SEC31A: variants seen among roughly 807,000 people sequenced by gnomAD.
SEC31A encodes protein transport protein Sec31A.
A neutral mutation model predicts 151.0 loss-of-function variants in SEC31A; 70 were observed. The observed-to-expected ratio is 0.46, with a 90% confidence interval of 0.38 to 0.57. The LOEUF (loss-of-function observed/expected upper bound fraction) is 0.57, where lower values mean the gene tolerates loss of function less well. Ranked by LOEUF, SEC31A falls within the 20% of genes least tolerant of loss-of-function variation. The probability of loss-of-function intolerance (pLI) is 0.00; values close to 1 mark genes in which losing one functional copy is unlikely to be tolerated. For synonymous variants in SEC31A, 475 were observed against 505.9 expected (o/e 0.94, Z 0.82); for missense variants, 1,330 against 1,471.2 (o/e 0.90, Z 1.57).
At chr4:82,843,043 G>C (rs142907943) in intron 21 of SEC31A, among the ~76,000 whole-genome samples, 92 of 152,056 alleles carry the variant, frequency 6.1e-4, no homozygotes, top group African/African-American at 2.1e-3. Flanking sequence ...TTTACATACA[G>C]TATGAAGATG....
At chr4:82,890,746 C>G in intron 1 of SEC31A, 1 of 1,154,372 alleles carries the variant, frequency 8.7e-7, no homozygotes. Context: ...CCTCGGGGAC[C>G]GCACCTCTTT....
rs762276252 is a variant in SEC31A, at chr4:82,851,577, G to C, written c.2182C>G (p.Arg728Gly). 1 of 1,610,678 alleles carries C rather than the reference G, an allele frequency of 6.2e-7. No individual in the cohort carries two copies. The highest frequency in any genetic ancestry group is 1.1e-5 in the South Asian group (1 of 90,516). Residue 728 changes from arginine (R) to glycine (G), a missense_variant, in exon 19 of 27, where the codon CGA (arginine) becomes GGA (glycine). Arg to Gly is a moderately radical substitution (Grantham distance 125). Transcript: ENST00000395310. ...GCTTGAGTGAGTTGCACAGCTTTTC[G>C]CAGGATGACAACTTTCTCAATCAGA... ...QDLIEKVVIL[R>G]KAVQLTQAMD...
At chr4:82,830,915 G>T in intron 22 of SEC31A, 14 of 1,148,834 alleles carry the variant, frequency 1.2e-5, no homozygotes, top group Non-Finnish European at 1.6e-5. Context: ...ATTTCCAAAG[G>T]TATATTTTAC....
intron 17 of SEC31A, among the ~76,000 whole-genome samples, chr4:82,854,518 T>C (rs1005716192): frequency 6.6e-6 from 1 of 152,176 alleles, no homozygotes; most frequent in Non-Finnish European, 1.5e-5. Flanking sequence ...TGGCCTATAA[T>C]GGTAATTTCT....
chr4:82,865,255 T>G (rs899084572), intron 10 of SEC31A, among the ~76,000 whole-genome samples: 2 of 152,008 alleles, frequency 1.3e-5, no homozygotes, highest in African/African-American at 4.8e-5. Flanking sequence ...AAACAAAAAG[T>G]GCTAGAGAGG....
At chr4:82,893,934 G>C (rs931941215), upstream of SEC31A, 9 of 152,054 alleles carry the variant, frequency 5.9e-5, no homozygotes, top group African/African-American at 1.7e-4. Flanking sequence ...ATTTTTTTAA[G>C]ATTAGGAAAC....
chr4:82,890,877 G>A, intron 1 of SEC31A: 1 of 1,383,780 alleles, frequency 7.2e-7, no homozygotes, highest in East Asian at 2.8e-5. Context: ...AGACGTCGGC[G>A]AATGCGGACG....
chr4:82,837,870 G>A (rs928072048), intron 22 of SEC31A, among the ~76,000 whole-genome samples: 1 of 152,144 alleles, frequency 6.6e-6, no homozygotes, highest in African/African-American at 2.4e-5. Flanking sequence ...TCTATGCACT[G>A]GCTAAGATAC....
chr4:82,888,702 A>T (rs1056033224), intron 1 of SEC31A, among the ~76,000 whole-genome samples: 6 of 152,100 alleles, frequency 3.9e-5, no homozygotes, highest in South Asian at 4.1e-4. Context: ...AAAAAATAAA[A>T]AAAAAAAAAA....
chr4:82,844,552 C>T, intron 20 of SEC31A, 43 bp from the exon 21 acceptor site: 1 of 1,585,890 alleles, frequency 6.3e-7, no homozygotes. Flanking sequence ...ACAAGTAGAA[C>T]CAGGAACTTC....
chr4:82,843,279 AGGT>A (rs1201648732), intron 21 of SEC31A, among the ~76,000 whole-genome samples: 1 of 151,918 alleles, frequency 6.6e-6, no homozygotes, highest in Non-Finnish European at 1.5e-5. Flanking sequence ...TACAGGCTAT[AGGT>A]GCCACCACAC....
intron 1 of SEC31A, among the ~76,000 whole-genome samples, chr4:82,887,195 T>A (rs1740926142): frequency 6.6e-6 from 1 of 152,160 alleles, no homozygotes; most frequent in Admixed American, 6.5e-5. Context: ...ATTAAAAAAA[T>A]GGAATACAAT....
chr4:82,833,056 C>T (rs7663610), intron 22 of SEC31A, among the ~76,000 whole-genome samples: 151,904 of 152,346 alleles, frequency 1, 75,731 homozygotes, highest in Non-Finnish European at 1. Context: ...CATTACTGGG[C>T]ATATATCCAA....
intron 14 of SEC31A, among the ~76,000 whole-genome samples, chr4:82,860,365 A>G (rs1733838937): frequency 3.3e-5 from 5 of 152,218 alleles, no homozygotes; most frequent in Admixed American, 1.3e-4. Flanking sequence ...ATTATTCATG[A>G]GTGCATTCCC....
At chr4:82,831,337 T>A (rs1206158215) in intron 22 of SEC31A, 1 of 158,750 alleles carries the variant, frequency 6.3e-6, no homozygotes, top group Non-Finnish European at 1.4e-5. Context: ...AGCTCAGAAA[T>A]ATCACTGAGG....
intron 22 of SEC31A, among the ~76,000 whole-genome samples, chr4:82,829,650 A>G (rs907548925): frequency 3.3e-5 from 5 of 152,176 alleles, no homozygotes; most frequent in African/African-American, 1.2e-4. Context: ...GGGTATTCAA[A>G]TATCTGTGCT....
At chr4:82,844,840 T>C (rs1729705912) in intron 20 of SEC31A, among the ~76,000 whole-genome samples, 1 of 152,160 alleles carries the variant, frequency 6.6e-6, no homozygotes, top group African/African-American at 2.4e-5. Flanking sequence ...TAAATATAAG[T>C]ATAAATGCCA....
At chr4:82,885,505 C>T (rs1740476509) in intron 1 of SEC31A, among the ~76,000 whole-genome samples, 1 of 152,070 alleles carries the variant, frequency 6.6e-6, no homozygotes, top group South Asian at 2.1e-4. Flanking sequence ...ACTATTAACT[C>T]CCTACTATGA....
At position 82,871,970 on chromosome 4, in the gene SEC31A, T is replaced by C. The variant is rs776648284; in HGVS notation, c.756A>G (p.Pro252=). 19 of 1,613,938 alleles carry C rather than the reference T, an allele frequency of 1.2e-5. No homozygotes were observed. The South Asian group carries it at 2.0e-4, about 17-fold the overall frequency. ...TGGCATGGTTTTCCAGGACACGAAG[T>C]GGAGAGGAAGCAAATCGAAGATCCC... The part of the protein sequence containing the change: ...QMWDLRFASS[P]LRVLENHARG... The change falls in exon 7 of 27, where the codon CCA becomes CCG. Residue 252 remains proline, a synonymous_variant. Transcript: ENST00000395310.
Sources: gnomAD v4.1 joint callset for allele counts (sites outside exome capture counted in the v4.1 genomes callset) on GRCh38, gnomAD v4.1.1 for gene constraint, MANE v1.5 for transcripts, NCBI Gene and HGNC (gene_info 2026-07-23, HGNC 2026-07-21) for gene names.